The following LRRK2 variants were observed in gnomAD, a reference collection of about 807,000 sequenced individuals.
The protein encoded by LRRK2 is leucine rich repeat kinase 2, also known as leucine-rich repeat serine/threonine-protein kinase 2.
Under a neutral mutation model 302.6 loss-of-function variants are expected in LRRK2, and 203 were observed. The observed-to-expected ratio is 0.67, with a 90% CI of 0.60 to 0.75. The LOEUF is 0.75. Among genes scored for constraint, LRRK2 ranks in the 30% least tolerant of loss-of-function variants. The pLI is 0.00. For missense variants in LRRK2, 2,830 were observed against 2,951.0 expected (o/e 0.96, Z 0.95); for synonymous variants, 1,066 against 1,031.9 (o/e 1.03, Z -0.63).
rs1333671057 is a variant in LRRK2 at position 40,308,584 on chromosome 12, A to G, written c.4077A>G (p.Lys1359=). ...TGCAGCAATTAATGAAAACCAAGAA[A>G]TCAGATCTTGGAATGCAAAGTGCCA... ...TLLQQLMKTK[K]SDLGMQSATV... The change falls in exon 29 of 51, where the codon AAA becomes AAG. Residue 1359 remains lysine, a synonymous_variant. Transcript: ENST00000298910. 3.7e-6 allele frequency: 6 copies of G among 1,613,858 alleles called. No individual in the cohort carries two copies. Among genetic ancestry groups the G allele is most frequent in the African/African-American group, 2.7e-5 (2 of 74,940 alleles).
Position 40,281,830 on chromosome 12 carries a change from G to C in LRRK2, c.2242-2045G>C, listed in dbSNP as rs142403678. Among the ~76,000 whole-genome samples, 581 of 152,296 alleles carry C rather than the reference G, an allele frequency of 3.8e-3. 8 individuals are homozygous for C. Among genetic ancestry groups the C allele is most frequent in the African/African-American group, 0.013 (554 of 41,558 alleles). On this transcript the variant is annotated intron_variant, in intron 18 of 50. Coordinates refer to ENST00000298910, the MANE Select transcript of LRRK2 (RefSeq NM_198578.4). ...CACACAGTGCTAGATAATTAATAGA[G>C]AATATAAAATGGGTTTCCTGTTTCA...
chr12:40,305,902 T>C lies in LRRK2; in HGVS notation c.3895T>C (p.Leu1299=). 1 of 1,613,352 alleles carries C rather than the reference T, an allele frequency of 6.2e-7. No individual in the cohort carries two copies. The highest frequency in any genetic ancestry group is 1.7e-4 in the Middle Eastern group (1 of 6,052). The change falls in exon 28 of 51, where the codon TTG becomes CTG. Residue 1299 remains leucine (L), a synonymous_variant. Coordinates refer to ENST00000298910, the MANE Select transcript of LRRK2 (RefSeq NM_198578.4). ...GKLSKIWDLP[L]DELHLNFDFK... is the part of the protein sequence containing the mutation. ...ATTAAGCAAAATATGGGATCTTCCTTTGGATGAACTGCATCTTAACTTTGA... is the reference window on the plus strand; with the variant it reads ...ATTAAGCAAAATATGGGATCTTCCTCTGGATGAACTGCATCTTAACTTTGA...
At chr12:40,255,020 G>C (rs1040916133) in intron 11 of LRRK2, among the ~76,000 whole-genome samples, 1 of 152,066 alleles carries the variant, frequency 6.6e-6, no homozygotes, top group Admixed American at 6.6e-5. Context: ...CTGCGTCCTT[G>C]GAATCATGGA....
At chr12:40,334,772 G>A (rs1294061699) in intron 39 of LRRK2, among the ~76,000 whole-genome samples, 195 bp from the exon 40 acceptor site, 1 of 152,060 alleles carries the variant, frequency 6.6e-6, no homozygotes, top group African/African-American at 2.4e-5. Flanking sequence ...TTGTCCATAG[G>A]TCAACTGTAG....
rs2136734032 is a variant in LRRK2, at chr12:40,297,616, A to G, written c.3097-627A>G. ...TATATTGATAAATAAAGAAGACCAT[A>G]GAGAAGTGATTGATTTTGGTATTTT... On this transcript the variant is annotated intron_variant, in intron 23 of 50. Coordinates refer to ENST00000298910, the MANE Select transcript of LRRK2 (RefSeq NM_198578.4). Among the ~76,000 whole-genome samples, 3 of 152,266 alleles carry G rather than the reference A, an allele frequency of 2.0e-5. No individual in the cohort carries two copies. The Middle Eastern group carries it at 0.01, about 518-fold the overall frequency.
intron 20 of LRRK2, among the ~76,000 whole-genome samples, chr12:40,289,133 T>G (rs1391828638): frequency 6.6e-6 from 1 of 151,886 alleles, no homozygotes; most frequent in Non-Finnish European, 1.5e-5. Flanking sequence ...TGTATGGATA[T>G]CCAGTTGTTC....
rs966852260 is a variant in LRRK2 at position 40,308,651 on chromosome 12, G to C, written c.4144G>C (p.Asp1382His). The change falls in exon 29 of 51, where the codon GAC becomes CAC. Residue 1382 changes from aspartate (D) to histidine (H), a missense_variant. By Grantham distance (81) the Asp-to-His change is moderately conservative. This residue lies in a region of LRRK2 where 2,121 missense variants were observed against 2,148.0 expected (regional missense o/e 0.99). Coordinates refer to ENST00000298910, the MANE Select transcript of LRRK2 (RefSeq NM_198578.4). Reference sequence around the variant, plus strand: ...GAAAGACTGGCCTATCCAAATAAGAGACAAAAGAAAGAGAGATCTCGTCCT... The same window carrying C: ...GAAAGACTGGCCTATCCAAATAAGACACAAAAGAAAGAGAGATCTCGTCCT... ...DVKDWPIQIR[D>H]KRKRDLVLNV... The C allele has an allele frequency of 4.3e-6, 7 of 1,613,818 alleles. No individual in the cohort carries two copies. The Admixed American group carries it at 1.0e-4, about 23-fold the overall frequency.
chr12:40,231,390 CA>C (rs10631840), intron 2 of LRRK2, among the ~76,000 whole-genome samples: 14 of 106,672 alleles, frequency 1.3e-4, no homozygotes, highest in African/African-American at 4.5e-4. Context: ...CCTGTCTTCA[CA>C]AAAAAAAAAA....
chr12:40,244,098 T>C (rs1055294439), intron 7 of LRRK2, among the ~76,000 whole-genome samples: 2 of 152,128 alleles, frequency 1.3e-5, no homozygotes, highest in East Asian at 3.8e-4. Flanking sequence ...TGTTGTATAT[T>C]CCCAGTGGGG....
At chr12:40,239,607 A>C (rs1039378577) in intron 5 of LRRK2, among the ~76,000 whole-genome samples, 2 of 152,146 alleles carry the variant, frequency 1.3e-5, no homozygotes, top group East Asian at 1.9e-4. Flanking sequence ...AGAGTAGAAA[A>C]ATTTCTGATT....
intron 4 of LRRK2, 78 bp downstream of exon 4, chr12:40,235,792 TG>T (rs373111289): frequency 1.5e-4 from 85 of 578,026 alleles, no homozygotes; most frequent in Admixed American, 4.4e-4. Flanking sequence ...TGTGTGTGTG[TG>T]TTTTTTTTTT....
Position 40,323,235 on chromosome 12 carries a change from C to T in LRRK2, c.5585C>T (p.Ala1862Val). Residue 1862 changes from alanine to valine, a missense_variant, in exon 38 of 51, where the codon GCT becomes GTT. Transcript: ENST00000298910. ...ISQIAPDLIL[A>V]DLPRNIMLNN... ...CAGATTGCCCCTGACTTGATTTTGG[C>T]TGACCTGCCTAGAAATATTATGTTG... The T allele has an allele frequency of 1.9e-6, 3 of 1,613,234 alleles. No individual in the cohort carries two copies. The highest frequency in any genetic ancestry group is 2.5e-6 in the Non-Finnish European group (3 of 1,179,392).
chr12:40,274,565 G>A lies in LRRK2; in HGVS notation c.1657-18G>A, dbSNP rs1299068415. ...ATTAAGATCTCATTTTTAACAGCGA[G>A]TATTCTTTTGATTTTAGTTCATTGG... On this transcript the variant is annotated intron_variant, in intron 14 of 50. Transcript: ENST00000298910. The A allele has an allele frequency of 6.2e-7, 1 of 1,612,960 alleles. No homozygotes were observed.
At chr12:40,309,778 T>C (rs915494264) in intron 30 of LRRK2, among the ~76,000 whole-genome samples, 2 of 152,174 alleles carry the variant, frequency 1.3e-5, no homozygotes, top group Non-Finnish European at 1.5e-5. Context: ...GAGACTAAAC[T>C]GCTGCTTGCA....
chr12:40,235,790 TGTG>T, intron 4 of LRRK2, 76 bp downstream of exon 4: 2 of 631,698 alleles, frequency 3.2e-6, no homozygotes, highest in Non-Finnish European at 5.1e-6. Flanking sequence ...TGTGTGTGTG[TGTG>T]TTTTTTTTTT....
chr12:40,351,854 A>T, intron 44 of LRRK2, 121 bp downstream of exon 44: 1 of 1,042,192 alleles, frequency 9.6e-7, no homozygotes, highest in South Asian at 1.5e-5. Flanking sequence ...CTTCTGTTAG[A>T]ACAAGAGTAT....
At chr12:40,322,950 G>A (rs1034869009) in intron 37 of LRRK2, among the ~76,000 whole-genome samples, 23 of 152,184 alleles carry the variant, frequency 1.5e-4, no homozygotes, top group Middle Eastern at 3.4e-3. Context: ...ACAAGTGAAC[G>A]TAGGAATAAG....
In LRRK2 at chr12:40,310,641, A is replaced by G; in HGVS notation, c.4528A>G (p.Asn1510Asp). The G allele has an allele frequency of 6.2e-7, 1 of 1,613,206 alleles. No individual in the cohort carries two copies. Among genetic ancestry groups the G allele is most frequent in the Non-Finnish European group, 8.5e-7 (1 of 1,179,662 alleles). ...LRKTIINESL[N>D]FKIRDQLVVG... is the part of the protein sequence containing the mutation. ...GAAAACCATCATAAACGAGAGCCTT[A>G]ATTTCAAGGTAACATGGTAGGCTGG... The change falls in exon 31 of 51, where the codon AAT becomes GAT. Residue 1510 changes from asparagine (N) to aspartate (D), a missense_variant. Physicochemically the swap from Asn to Asp is conservative, Grantham distance 23. Transcript: ENST00000298910.
At chr12:40,364,734 G>A (rs2137049835) in intron 48 of LRRK2, 108 bp from the exon 49 acceptor site, 1 of 929,014 alleles carries the variant, frequency 1.1e-6, no homozygotes, top group Non-Finnish European at 1.7e-6. Flanking sequence ...CATAATGGTG[G>A]TGGTGTCATG....
Sources: allele counts gnomAD v4.1 joint callset (sites outside exome capture counted in the v4.1 genomes callset), GRCh38; gene constraint gnomAD v4.1.1; regional missense constraint gnomAD v4.1.1; transcripts MANE v1.5; gene names NCBI Gene and HGNC (gene_info 2026-07-23, HGNC 2026-07-21).